RSPO1: variants seen among roughly 807,000 people sequenced by gnomAD.
RSPO1 encodes R-spondin 1.
RSPO1 carries 18 observed loss-of-function variants against 26.0 expected under a neutral mutation model. That is an observed-to-expected ratio of 0.69 (90% CI 0.48 to 1.03). The LOEUF (loss-of-function observed/expected upper bound fraction) is 1.03, where lower values mean the gene tolerates loss of function less well. Ranked by LOEUF, RSPO1 falls within the 50% of genes least tolerant of loss-of-function variation. The pLI is 0.00. For synonymous variants in RSPO1, 133 were observed against 137.4 expected (o/e 0.97, Z 0.22); for missense variants, 309 against 352.3 (o/e 0.88, Z 0.98).
At chr1:37,618,459 A>C (rs1644150847) in intron 3 of RSPO1, among the ~76,000 whole-genome samples, 1 of 152,192 alleles carries the variant, frequency 6.6e-6, no homozygotes, top group South Asian at 2.1e-4. Flanking sequence ...AGAACATATT[A>C]AGCAGGGATG....
chr1:37,630,463 T>C (rs562575538), intron 2 of RSPO1, among the ~76,000 whole-genome samples: 19 of 152,226 alleles, frequency 1.2e-4, no homozygotes, highest in Non-Finnish European at 1.2e-4. Context: ...CCTGGCCCTC[T>C]GGGCTTGGCG....
At chr1:37,614,662 C>T (rs549339619) in intron 4 of RSPO1, among the ~76,000 whole-genome samples, 282 of 152,212 alleles carry the variant, frequency 1.9e-3, no homozygotes, top group African/African-American at 6.4e-3. Context: ...AGGGTGGGGC[C>T]GTCTGGGCCT....
In RSPO1 at chr1:37,613,543, T is replaced by C. The variant is rs1380793291; in HGVS notation, c.625+161A>G. ...TGAGGCCCTGTTCTCTGCCAGGACATGGCATCTGGATTGGACAGCATGAGG... is the reference window on the plus strand; with the variant it reads ...TGAGGCCCTGTTCTCTGCCAGGACACGGCATCTGGATTGGACAGCATGAGG... On this transcript the variant is annotated intron_variant, in intron 6 of 6. Transcript: ENST00000356545. This position sits in a 1 kb window ranked among gnomAD's most constrained non-coding sequence, Gnocchi z 4.5. Among the ~76,000 whole-genome samples, 3 of 152,248 alleles carry C rather than the reference T, an allele frequency of 2.0e-5. No homozygotes were observed. The East Asian group carries it at 5.8e-4, about 29-fold the overall frequency.
chr1:37,624,184 G>T (rs958948877), intron 3 of RSPO1, among the ~76,000 whole-genome samples: 1 of 152,176 alleles, frequency 6.6e-6, no homozygotes, highest in African/African-American at 2.4e-5. Flanking sequence ...TACTCAGGAG[G>T]CTGAGGCAGG....
chr1:37,613,051 C>G lies in RSPO1; in HGVS notation c.626-130G>C. On this transcript the variant is annotated intron_variant, in intron 6 of 6. Transcript: ENST00000356545. This position sits in a 1 kb window ranked among gnomAD's most constrained non-coding sequence, Gnocchi z 4.5. ...GCAGGGAGGAGGCTGGAGATGCTGC[C>G]TCTAGGTAGTTGGGTCATCGTGACC... 2.0e-6 allele frequency: 2 copies of G among 1,010,938 alleles called. No individual in the cohort carries two copies. Among genetic ancestry groups the G allele is most frequent in the Non-Finnish European group, 3.0e-6 (2 of 663,612 alleles). 62.6% of individuals were successfully genotyped at this position (1,010,938 alleles called of 1,614,324 possible).
intron 4 of RSPO1, among the ~76,000 whole-genome samples, chr1:37,615,729 A>G (rs946982782): frequency 6.6e-6 from 1 of 152,238 alleles, no homozygotes; most frequent in Non-Finnish European, 1.5e-5. Flanking sequence ...AGCTGCATCT[A>G]CAGAGAAGGG....
rs1250380014 is a variant in RSPO1, at chr1:37,623,756, C to T, written c.94+5812G>A. ...ACATAGAGCTTTATATATTCTCTCT[C>T]CCTCTCTTTTTTTTTTTTTTTGAAA... On this transcript the variant is annotated intron_variant, in intron 3 of 6. Coordinates refer to ENST00000356545, the MANE Select transcript of RSPO1 (RefSeq NM_001242908.2). Among the ~76,000 whole-genome samples, 4 of 149,670 alleles carry T rather than the reference C, an allele frequency of 2.7e-5. No homozygotes were observed. The East Asian group carries it at 7.8e-4, about 29-fold the overall frequency.
At chr1:37,614,020 CT>C in intron 5 of RSPO1, 128 bp from the exon 6 acceptor site, 1 of 1,338,426 alleles carries the variant, frequency 7.5e-7, no homozygotes. Flanking sequence ...CTGCAGGTAT[CT>C]TTAGTCCAGA....
At position 37,612,354 on chromosome 1, in the gene RSPO1, T is replaced by C; in HGVS notation, c.*401A>G. ...CCATCTGCCACAGTGGCTGGTCCGA[T>C]CCCAGCAGCTTCTCCAGAAGGCTCC... On this transcript the variant is annotated 3_prime_UTR_variant, in exon 7 of 7. Coordinates refer to ENST00000356545, the MANE Select transcript of RSPO1 (RefSeq NM_001242908.2). 1 of 249,502 alleles carries C rather than the reference T, an allele frequency of 4.0e-6. No individual in the cohort carries two copies. Among genetic ancestry groups the C allele is most frequent in the South Asian group, 5.7e-5 (1 of 17,654 alleles). 15.5% of individuals were successfully genotyped at this position (249,502 alleles called of 1,614,324 possible). A position where few individuals can be genotyped will look rare whatever the true frequency, so the allele number is the denominator to read the frequency against.
chr1:37,629,851 A>G lies in RSPO1; in HGVS notation c.-190T>C, dbSNP rs1644331272. ...GGGGAGCCCAGTTCTCCATCAGCTC[A>G]AAGGGAGGTCCTCAAAGAGAGACTT... On this transcript the variant is annotated 5_prime_UTR_variant, in exon 3 of 7. Coordinates refer to ENST00000356545, the MANE Select transcript of RSPO1 (RefSeq NM_001242908.2). The G allele has an allele frequency of 1.3e-6, 2 of 1,550,862 alleles. No individual in the cohort carries two copies. The highest frequency in any genetic ancestry group is 2.4e-5 in the South Asian group (2 of 84,062).
chr1:37,634,368 G>C lies in RSPO1; in HGVS notation c.-356+198C>G, dbSNP rs1292788583. 1.3e-5 allele frequency among the ~76,000 whole-genome samples: 2 copies of C among 152,190 alleles called. No individual in the cohort carries two copies. Among genetic ancestry groups the C allele is most frequent in the African/African-American group, 4.8e-5 (2 of 41,458 alleles). ...CTGCCTGCTGGATTGAGGGCCGACG[G>C]GGGCGGCAGACTTGCAGGAAGGGTG... On this transcript the variant is annotated intron_variant, in intron 1 of 6. Transcript: ENST00000356545. This position sits in a 1 kb window ranked among gnomAD's most constrained non-coding sequence, Gnocchi z 4.7.
chr1:37,625,398 G>A (rs1342724370), intron 3 of RSPO1, among the ~76,000 whole-genome samples: 2 of 152,228 alleles, frequency 1.3e-5, no homozygotes, highest in African/African-American at 4.8e-5. Context: ...GTTAGGGACA[G>A]TGGTGGGTGG....
At chr1:37,632,864 G>A (rs1644379802) in intron 1 of RSPO1, among the ~76,000 whole-genome samples, 1 of 152,206 alleles carries the variant, frequency 6.6e-6, no homozygotes, top group Non-Finnish European at 1.5e-5. Flanking sequence ...ATGAGCTGAT[G>A]ACTCCCTTTT....
intron 3 of RSPO1, among the ~76,000 whole-genome samples, chr1:37,619,020 A>G (rs1644160187): frequency 6.6e-6 from 1 of 152,118 alleles, no homozygotes; most frequent in Non-Finnish European, 1.5e-5. Context: ...TCAGGAGTTC[A>G]AGACCAGCCT....
At chr1:37,628,358 A>T (rs1233984294) in intron 3 of RSPO1, among the ~76,000 whole-genome samples, 4 of 152,172 alleles carry the variant, frequency 2.6e-5, no homozygotes, top group Admixed American at 2.0e-4. Context: ...TAAGCCAGGG[A>T]TTTTCAGCTT....
intron 3 of RSPO1, among the ~76,000 whole-genome samples, chr1:37,619,678 T>C (rs772871022): frequency 2.2e-4 from 34 of 152,222 alleles, no homozygotes; most frequent in Non-Finnish European, 4.3e-4. Context: ...GCTTGACAAG[T>C]ATTAACTCAT....
At chr1:37,631,491 A>G (rs12092800) in intron 2 of RSPO1, among the ~76,000 whole-genome samples, 39,037 of 152,118 alleles carry the variant, frequency 0.26, 5,321 homozygotes, top group East Asian at 0.48. Flanking sequence ...AGTTTATCAA[A>G]CTGGGGTCTT....
Position 37,613,853 on chromosome 1 carries a change from C to G in RSPO1, c.476G>C (p.Cys159Ser). The change falls in exon 6 of 7, where the codon TGC becomes TCC. Residue 159 changes from cysteine to serine, a missense_variant. Transcript: ENST00000356545. This position sits in a 1 kb window ranked among gnomAD's most constrained non-coding sequence, Gnocchi z 4.5. ...ACCACAGAGCTGCTGCTTCTTGGAG[C>G]AGGGCCCCCACGGAGACCACTCGCT... ...EMSEWSPWGPCSKKQQLCGFR... is the reference protein window; with the variant it reads ...EMSEWSPWGPSSKKQQLCGFR... The G allele has an allele frequency of 1.2e-6, 2 of 1,614,120 alleles. No homozygotes were observed. Among genetic ancestry groups the G allele is most frequent in the Non-Finnish European group, 1.7e-6 (2 of 1,180,018 alleles).
chr1:37,624,789 T>C (rs1644253053), intron 3 of RSPO1, among the ~76,000 whole-genome samples: 1 of 152,190 alleles, frequency 6.6e-6, no homozygotes, highest in Non-Finnish European at 1.5e-5. Flanking sequence ...TATCTATCAA[T>C]AGCTCCCTAT....
Sources: allele counts gnomAD v4.1 joint callset (sites outside exome capture counted in the v4.1 genomes callset), GRCh38; gene constraint gnomAD v4.1.1; non-coding constraint Gnocchi (gnomAD v3.1); transcripts MANE v1.5; gene names NCBI Gene and HGNC (gene_info 2026-07-23, HGNC 2026-07-21).